ANKRD36B: variants seen among roughly 807,000 people sequenced by gnomAD.
ANKRD36B encodes ankyrin repeat domain-containing protein 36B.
ANKRD36B carries 37 observed loss-of-function variants against 135.7 expected under a neutral mutation model. That is an observed-to-expected ratio of 0.27 (90% CI 0.21 to 0.36). The LOEUF is 0.36. Ranked by LOEUF, ANKRD36B falls within the 10% of genes least tolerant of loss-of-function variation. The pLI is 1.00. For synonymous variants in ANKRD36B, 179 were observed against 348.1 expected, an observed-to-expected ratio of 0.51 and a Z score of 5.41; for missense variants, 549 against 1,037.1, an observed-to-expected ratio of 0.53 and a Z score of 6.46.
intron 34 of ANKRD36B, among the ~76,000 whole-genome samples, chr2:97,535,463 T>C (rs2078823975): frequency 1.1e-5 from 1 of 87,008 alleles, no homozygotes; most frequent in Non-Finnish European, 3.0e-5. Flanking sequence ...ATTTACTCAT[T>C]AAAATTAAAA....
intron 6 of ANKRD36B, among the ~76,000 whole-genome samples, chr2:97,561,558 TA>T (rs2081026936): frequency 6.6e-6 from 1 of 151,926 alleles, no homozygotes; most frequent in Non-Finnish European, 1.5e-5. Flanking sequence ...AAAAGTGTAA[TA>T]AATTACCAAA....
intron 1 of ANKRD36B, among the ~76,000 whole-genome samples, chr2:97,585,608 C>T (rs1309517091): frequency 1.3e-5 from 2 of 152,340 alleles, no homozygotes; most frequent in Non-Finnish European, 2.9e-5. Flanking sequence ...TTAAAATTTA[C>T]TGTAAGCTCT....
At chr2:97,538,096 G>T (rs1576877048) in intron 32 of ANKRD36B, 72 bp downstream of exon 32, 1 of 854,936 alleles carries the variant, frequency 1.2e-6, no homozygotes, top group African/African-American at 1.8e-5. Context: ...GCCCCCTGCT[G>T]ATCTATTCAG....
intron 37 of ANKRD36B, among the ~76,000 whole-genome samples, chr2:97,514,136 G>C (rs2077692558): frequency 7.3e-6 from 1 of 136,632 alleles, no homozygotes; most frequent in Non-Finnish European, 1.5e-5. Flanking sequence ...TACAGAGTTT[G>C]ACTCTCTTTG....
In ANKRD36B at chr2:97,551,353, A is replaced by G; in HGVS notation, c.1311T>C (p.Ser437=). The G allele has an allele frequency of 5.6e-6, 9 of 1,595,338 alleles. No homozygotes were observed. The highest frequency in any genetic ancestry group is 6.8e-6 in the Non-Finnish European group (8 of 1,173,506). Residue 437 remains serine, a synonymous_variant, in exon 18 of 44, where the codon AGT becomes AGC. Coordinates refer to ENST00000359901, the MANE Select transcript of ANKRD36B (RefSeq NM_001393939.1). Reference sequence around the variant, plus strand: ...TATTCGAAAAAGAATCTTTCTCATCACTTGTGGCCTGAATGGAATTTGAAA... The same window carrying G: ...TATTCGAAAAAGAATCTTTCTCATCGCTTGTGGCCTGAATGGAATTTGAAA... ...SQKKPALKAT[S]DEKDSFSNIT...
chr2:97,553,684 A>G (rs1291675976), intron 14 of ANKRD36B, among the ~76,000 whole-genome samples: 8 of 151,974 alleles, frequency 5.3e-5, no homozygotes, highest in African/African-American at 1.7e-4. Flanking sequence ...AAAATCAGAG[A>G]GGAAACTCAA....
chr2:97,563,185 A>G (rs1275549846), intron 6 of ANKRD36B, among the ~76,000 whole-genome samples: 3 of 151,990 alleles, frequency 2.0e-5, no homozygotes, highest in Admixed American at 6.6e-5. Context: ...TTTAACTACA[A>G]TGACAGTCTC....
intron 5 of ANKRD36B, among the ~76,000 whole-genome samples, chr2:97,578,244 A>C (rs997827408): frequency 6.6e-6 from 1 of 152,082 alleles, no homozygotes; most frequent in African/African-American, 2.4e-5. Context: ...AACTAAAAAA[A>C]ACAGTTGTAA....
intron 14 of ANKRD36B, 98 bp downstream of exon 14, chr2:97,554,962 G>C: frequency 7.0e-7 from 1 of 1,427,036 alleles, no homozygotes; most frequent in Non-Finnish European, 9.7e-7. Context: ...GAATCAGAAT[G>C]TGCAGCTTTG....
At chr2:97,551,715 C>T (rs1228099946) in intron 16 of ANKRD36B, among the ~76,000 whole-genome samples, 1 of 151,796 alleles carries the variant, frequency 6.6e-6, no homozygotes, top group Non-Finnish European at 1.5e-5. Context: ...TCTCATACGT[C>T]GAAAACTAAA....
intron 5 of ANKRD36B, 90 bp downstream of exon 5, chr2:97,578,816 T>G: frequency 1.4e-6 from 2 of 1,473,542 alleles, no homozygotes; most frequent in Non-Finnish European, 1.8e-6. Context: ...AACCAAACTA[T>G]GCAATCTCAC....
chr2:97,579,577 T>G (rs2082451186), intron 4 of ANKRD36B, among the ~76,000 whole-genome samples: 1 of 126,588 alleles, frequency 7.9e-6, no homozygotes, highest in South Asian at 2.2e-4. Context: ...TGGTTGTGTA[T>G]AAGTAATATC....
chr2:97,525,571 C>T (rs1398900808), intron 35 of ANKRD36B, among the ~76,000 whole-genome samples: 1 of 96,126 alleles, frequency 1.0e-5, no homozygotes, highest in African/African-American at 3.1e-5. Context: ...GGGTGCAGTG[C>T]ACTGTGCATG....
intron 20 of ANKRD36B, among the ~76,000 whole-genome samples, 162 bp from the exon 21 acceptor site, chr2:97,547,893 G>A (rs564719238): frequency 7.9e-5 from 12 of 151,844 alleles, no homozygotes; most frequent in Admixed American, 2.0e-4. Flanking sequence ...ACAGAAATAC[G>A]CTGAGAAAAG....
chr2:97,526,738 C>T (rs1412155147), intron 35 of ANKRD36B, among the ~76,000 whole-genome samples: 1 of 96,724 alleles, frequency 1.0e-5, no homozygotes, highest in East Asian at 2.3e-4. Context: ...AGCGGAGGCT[C>T]GAGAACTACG....
chr2:97,569,459 T>A (rs1459716391), intron 6 of ANKRD36B, among the ~76,000 whole-genome samples: 6 of 151,848 alleles, frequency 4.0e-5, no homozygotes, highest in South Asian at 2.1e-4. Context: ...CAGGGCAGTG[T>A]AAGTATTCTA....
At chr2:97,561,441 C>A (rs1211375754) in intron 6 of ANKRD36B, among the ~76,000 whole-genome samples, 1 of 151,760 alleles carries the variant, frequency 6.6e-6, no homozygotes, top group Non-Finnish European at 1.5e-5. Flanking sequence ...TTTCTCACAC[C>A]CATATGGTGT....
rs775806969 is a variant in ANKRD36B, at chr2:97,553,229, G to C, written c.1212C>G (p.Asp404Glu). The change falls in exon 16 of 44, where the codon GAC (aspartate) becomes GAG (glutamate). Residue 404 changes from aspartate (D) to glutamate (E), a missense_variant. By Grantham distance (45) the Asp-to-Glu change is conservative. Coordinates refer to ENST00000359901, the MANE Select transcript of ANKRD36B (RefSeq NM_001393939.1). ...QKQQALKATT[D>E]EEGSVSNIAT... ...CTATATTAGAAACAGAACCTTCCTC[G>C]TCAGTTGTAGCCTGAATGGAATTTG... The C allele has an allele frequency of 1.3e-5, 21 of 1,610,462 alleles. No homozygotes were observed. The Admixed American group carries it at 3.4e-4, about 26-fold the overall frequency.
rs1346357086 is a variant in ANKRD36B, at chr2:97,534,565, G to T, written c.2191+1735C>A. Among the ~76,000 whole-genome samples the T allele has an allele frequency of 2.1e-5, 2 of 96,750 alleles. 1 individual carries two copies. Among genetic ancestry groups the T allele is most frequent in the Admixed American group, 1.8e-4 (2 of 10,862 alleles). The allele number at this position is 96,750 out of a possible 152,430, so 63.5% of individuals were successfully genotyped here. A position where few individuals can be genotyped will look rare whatever the true frequency, so the allele number is the denominator to read the frequency against. ...CAAACTGCTATCAGATGGCAAACAGGTATACGGAAAGGTGCTCGACATCAC... is the reference window on the plus strand; with the variant it reads ...CAAACTGCTATCAGATGGCAAACAGTTATACGGAAAGGTGCTCGACATCAC... On this transcript the variant is annotated intron_variant, in intron 34 of 43. Transcript: ENST00000359901.
Sources: allele counts gnomAD v4.1 joint callset (sites outside exome capture counted in the v4.1 genomes callset), GRCh38; gene constraint gnomAD v4.1.1; transcripts MANE v1.5; gene names NCBI Gene and HGNC (gene_info 2026-07-23, HGNC 2026-07-21).